The following FGD1 variants were observed in gnomAD, a reference collection of about 807,000 sequenced individuals.
FGD1 encodes the protein FYVE, RhoGEF and PH domain-containing protein 1.
In FGD1, 12 loss-of-function variants were observed where a neutral mutation model predicts 65.0. The ratio of observed to expected loss-of-function variants is 0.18; its 90% confidence interval spans 0.12 to 0.30. FGD1 has a LOEUF of 0.30. Ranked by LOEUF, FGD1 falls within the 10% of genes least tolerant of loss-of-function variation. FGD1 has a pLI of 1.00. For synonymous variants in FGD1, 333 were observed against 343.9 expected, an observed-to-expected ratio of 0.97 and a Z score of 0.35; for missense variants, 542 against 837.6, an observed-to-expected ratio of 0.65 and a Z score of 4.36.
chrX:54,464,412 C>T (rs954422657), intron 8 of FGD1, among the ~76,000 whole-genome samples: 2 of 111,607 alleles, frequency 1.8e-5, no homozygotes, highest in African/African-American at 6.5e-5. Context: ...GGATTACAGG[C>T]GTGAGCCACT....
chrX:54,447,535 G>C (rs986018408), intron 16 of FGD1, 81 bp from the exon 17 acceptor site: 3 of 1,010,805 alleles, frequency 3.0e-6, no homozygotes, highest in Non-Finnish European at 4.1e-6. Flanking sequence ...CCTCAGTGTA[G>C]GGACTGCTAT....
chrX:54,486,869 C>T (rs1238472728), intron 1 of FGD1, among the ~76,000 whole-genome samples: 1 of 106,505 alleles, frequency 9.4e-6, no homozygotes, highest in African/African-American at 3.4e-5. Flanking sequence ...CGCCTGTAAT[C>T]CCAGCTACTG....
chrX:54,495,546 G>C lies in FGD1; in HGVS notation c.-114C>G, dbSNP rs1923518158. 2.2e-6 allele frequency: 1 copy of C among 461,014 alleles called. No homozygotes were observed. The highest frequency in any genetic ancestry group is 2.6e-5 in the African/African-American group (1 of 38,781). 38.0% of individuals were successfully genotyped at this position (461,014 alleles called of 1,213,427 possible). On this transcript the variant is annotated 5_prime_UTR_variant, in exon 1 of 18. Transcript: ENST00000375135. The stretch of plus-strand genomic sequence containing the variant: ...GGAGCAGCGGCCTCAGGATCGGGGG[G>C]CGGGACTGCGGGCTCAGCCCCACTG...
At chrX:54,454,421 G>A (rs1922447539) in intron 12 of FGD1, among the ~76,000 whole-genome samples, 1 of 111,565 alleles carries the variant, frequency 9.0e-6, no homozygotes, top group African/African-American at 3.3e-5. Context: ...AGGCCAAGGC[G>A]GGCAGATCAC....
chrX:54,456,409 C>T, intron 9 of FGD1, 43 bp from the exon 10 acceptor site: 1 of 1,210,573 alleles, frequency 8.3e-7, no homozygotes, highest in Non-Finnish European at 1.1e-6. Context: ...GGGGTGCCAG[C>T]CTCCTGTCAG....
chrX:54,470,713 G>T lies in FGD1; in HGVS notation c.529C>A (p.Leu177Met), dbSNP rs1922870629. The T allele has an allele frequency of 2.0e-6, 2 of 994,664 alleles. No homozygotes were observed. Among genetic ancestry groups the T allele is most frequent in the South Asian group, 2.2e-5 (1 of 45,347 alleles). 82.0% of individuals were successfully genotyped at this position (994,664 alleles called of 1,213,427 possible). The change falls in exon 3 of 18, where the codon CTG becomes ATG. Residue 177 changes from leucine to methionine, a missense_variant. Leu to Met is a conservative substitution (Grantham distance 15, BLOSUM62 2). Coordinates refer to ENST00000375135, the MANE Select transcript of FGD1 (RefSeq NM_004463.3). ...GATGGTGGAGGGGGGATGGGCTCCAGTGGGGGGGGCATCCGGGGCATCTGC... is the reference window on the plus strand; with the variant it reads ...GATGGTGGAGGGGGGATGGGCTCCATTGGGGGGGGCATCCGGGGCATCTGC... ...YLQMPRMPPP[L>M]EPIPPPPSRP...
At chrX:54,482,236 G>GCGCGCACACACACACACACACACA (rs796491256) in intron 1 of FGD1, among the ~76,000 whole-genome samples, 13 of 99,390 alleles carry the variant, frequency 1.3e-4, no homozygotes, top group African/African-American at 4.2e-4. Context: ...GCACACGCGC[G>GCGCGCACACACACACACACACACA]CACACACACA....
rs1922498105 is a variant in FGD1, at chrX:54,456,139, C to CT, written c.1842+80dup. ...TTTCAGGAATGAAAGGAGGTATAGT[C>CT]TTTGAGTGAGTACCAGGTCACTATG... On this transcript the variant is annotated intron_variant, in intron 10 of 17. Coordinates refer to ENST00000375135, the MANE Select transcript of FGD1 (RefSeq NM_004463.3). 6 of 1,088,020 alleles carry CT rather than the reference C, an allele frequency of 5.5e-6. No homozygotes were observed. In the East Asian group the frequency reaches 1.8e-4, roughly 33 times the overall value. The allele number at this position is 1,088,020 out of a possible 1,213,427, so 89.7% of individuals were successfully genotyped here. A position where few individuals can be genotyped will look rare whatever the true frequency, so the allele number is the denominator to read the frequency against.
chrX:54,482,865 C>T (rs1923183903), intron 1 of FGD1, among the ~76,000 whole-genome samples: 1 of 111,290 alleles, frequency 9.0e-6, no homozygotes, highest in South Asian at 3.8e-4. Flanking sequence ...GGATACAGAC[C>T]CAGGCAGAGG....
chrX:54,466,758 T>G (rs1010946315), intron 6 of FGD1, among the ~76,000 whole-genome samples: 2 of 108,039 alleles, frequency 1.9e-5, no homozygotes, highest in African/African-American at 6.8e-5. Flanking sequence ...TTTGTTTGTT[T>G]TTTTTTTTTT....
At chrX:54,487,036 T>C (rs1465141068) in intron 1 of FGD1, among the ~76,000 whole-genome samples, 1 of 104,353 alleles carries the variant, frequency 9.6e-6, no homozygotes, top group East Asian at 3.3e-4. Context: ...ACCACAGTCT[T>C]GCTCTGTCAC....
chrX:54,450,621 G>A (rs1922353341), intron 12 of FGD1, among the ~76,000 whole-genome samples: 1 of 111,593 alleles, frequency 9.0e-6, no homozygotes, highest in Non-Finnish European at 1.9e-5. Flanking sequence ...TAAGGCCAAG[G>A]AGCCCAGAGG....
At chrX:54,493,469 T>C (rs1333264575) in intron 1 of FGD1, among the ~76,000 whole-genome samples, 1 of 112,021 alleles carries the variant, frequency 8.9e-6, no homozygotes. Context: ...CAGTCTCTGA[T>C]GGAGACTCAC....
rs1923539143 is a variant in FGD1 at position 54,496,122 on chromosome X, A to T, written c.-690T>A. 9.7e-6 allele frequency: 1 copy of T among 103,616 alleles called. No individual in the cohort carries two copies. The highest frequency in any genetic ancestry group is 1.0e-4 in the Admixed American group (1 of 9,823). The allele number at this position is 103,616 out of a possible 1,213,427, so 8.5% of individuals were successfully genotyped here. ...TGGGCCGGGCTCCACCGTCCTCCCCAGCTTCAGCCTGGGTCTCGGCGGCGG... is the reference window on the plus strand; with the variant it reads ...TGGGCCGGGCTCCACCGTCCTCCCCTGCTTCAGCCTGGGTCTCGGCGGCGG... On this transcript the variant is annotated 5_prime_UTR_variant, in exon 1 of 18. Transcript: ENST00000375135.
chrX:54,445,911 C>T lies in FGD1; in HGVS notation c.*198G>A. The T allele has an allele frequency of 2.3e-6, 1 of 433,587 alleles. No individual in the cohort carries two copies. The highest frequency in any genetic ancestry group is 4.0e-6 in the Non-Finnish European group (1 of 247,598). 35.7% of individuals were successfully genotyped at this position (433,587 alleles called of 1,213,427 possible). A position where few individuals can be genotyped will look rare whatever the true frequency, so the allele number is the denominator to read the frequency against. On this transcript the variant is annotated 3_prime_UTR_variant, in exon 18 of 18. Coordinates refer to ENST00000375135, the MANE Select transcript of FGD1 (RefSeq NM_004463.3). ...CAGGGATTAATAAAAATTGACATCA[C>T]TGTAGGAATATATTTTTTAAAAGCC...
rs768624910 is a variant in FGD1, at chrX:54,479,184, A to G, written c.308-7697T>C. ...TGCTTCTGGGTTTACTGGCAGAGAA[A>G]GTCCAGCATCTAGCTGTGTCTGAGG... On this transcript the variant is annotated intron_variant, in intron 1 of 17. Coordinates refer to ENST00000375135, the MANE Select transcript of FGD1 (RefSeq NM_004463.3). 8.9e-5 allele frequency among the ~76,000 whole-genome samples: 10 copies of G among 112,561 alleles called. No individual in the cohort carries two copies. In the South Asian group the frequency reaches 3.3e-3, roughly 37 times the overall value.
chrX:54,471,264 T>C, intron 2 of FGD1, 50 bp downstream of exon 2: 1 of 1,183,775 alleles, frequency 8.4e-7, no homozygotes, highest in Non-Finnish European at 1.1e-6. Context: ...TCTCCCCTCC[T>C]CTGTACCCTC....
intron 2 of FGD1, 37 bp downstream of exon 2, chrX:54,471,277 C>T: frequency 8.3e-7 from 1 of 1,202,566 alleles, no homozygotes; most frequent in East Asian, 3.0e-5. Context: ...GTACCCTCCC[C>T]TGGGCCACTT....
At chrX:54,459,295 G>A (rs1922576509) in intron 8 of FGD1, among the ~76,000 whole-genome samples, 1 of 111,678 alleles carries the variant, frequency 9.0e-6, no homozygotes, top group African/African-American at 3.3e-5. Context: ...CCCTACCTGG[G>A]GGCTCAGTGT....
Sources: gnomAD v4.1 joint callset for allele counts (sites outside exome capture counted in the v4.1 genomes callset) on GRCh38, gnomAD v4.1.1 for gene constraint, MANE v1.5 for transcripts, NCBI Gene and HGNC (gene_info 2026-07-23, HGNC 2026-07-21) for gene names.